Variants in PHKG1 observed in about 807,000 individuals in gnomAD.
The protein encoded by PHKG1 is phosphorylase b kinase gamma catalytic chain, skeletal muscle/heart isoform.
A neutral mutation model predicts 50.5 loss-of-function variants in PHKG1; 48 were observed. The ratio of observed to expected loss-of-function variants is 0.95; its 90% confidence interval spans 0.75 to 1.21. The LOEUF (loss-of-function observed/expected upper bound fraction) is 1.21. Ranked by LOEUF, PHKG1 falls within the 50% of genes most tolerant of loss-of-function variation. The pLI is 0.00. For synonymous variants in PHKG1, 204 were observed against 212.8 expected (o/e 0.96, Z 0.36); for missense variants, 487 against 519.5 (o/e 0.94, Z 0.61).
chr7:56,082,118 C>T (rs1208871923), intron 7 of PHKG1, 45 bp downstream of exon 7: 16 of 1,611,768 alleles, frequency 9.9e-6, no homozygotes, highest in Non-Finnish European at 1.4e-5. Flanking sequence ...TACTTCCTCC[C>T]TTGCCCAGCC....
At chr7:56,087,216 TTATTA>T (rs2117583344) in intron 3 of PHKG1, among the ~76,000 whole-genome samples, 192 bp from the exon 4 acceptor site, 1 of 147,584 alleles carries the variant, frequency 6.8e-6, no homozygotes, top group Non-Finnish European at 1.5e-5. Context: ...ATTATTATTA[TTATTA>T]TTATTATTAT....
chr7:56,084,341 A>G (rs1263477863), intron 4 of PHKG1: 4 of 644,518 alleles, frequency 6.2e-6, no homozygotes, highest in Non-Finnish European at 8.0e-6. Flanking sequence ...AGGACCCCAG[A>G]CCCAGATCAG....
At chr7:56,086,342 C>G (rs1252765521) in intron 4 of PHKG1, among the ~76,000 whole-genome samples, 1 of 152,016 alleles carries the variant, frequency 6.6e-6, no homozygotes, top group Non-Finnish European at 1.5e-5. Flanking sequence ...TAGGCACAGT[C>G]AGAGACTAAC....
At chr7:56,085,589 C>T (rs937731435) in intron 4 of PHKG1, among the ~76,000 whole-genome samples, 2 of 152,168 alleles carry the variant, frequency 1.3e-5, no homozygotes, top group Non-Finnish European at 2.9e-5. Context: ...TACCACCTGC[C>T]TCTCTCCTCA....
At chr7:56,083,141 T>G in intron 6 of PHKG1, 137 bp downstream of exon 6, 1 of 651,958 alleles carries the variant, frequency 1.5e-6, no homozygotes, top group Non-Finnish European at 2.5e-6. Flanking sequence ...GAAAAAAAAA[T>G]CCCTAGCCCT....
intron 2 of PHKG1, among the ~76,000 whole-genome samples, 161 bp from the exon 3 acceptor site, chr7:56,087,937 A>G (rs1796332120): frequency 6.6e-6 from 1 of 150,464 alleles, no homozygotes; most frequent in Non-Finnish European, 1.5e-5. Flanking sequence ...ATACAGGCAC[A>G]GACAGGTGAT....
At position 56,081,647 on chromosome 7, in the gene PHKG1, G is replaced by T; in HGVS notation, c.901C>A (p.Pro301Thr). The change falls in exon 9 of 10, where the codon CCC becomes ACC. Residue 301 changes from proline to threonine, a missense_variant. Coordinates refer to ENST00000297373, the MANE Select transcript of PHKG1 (RefSeq NM_006213.5). The surrounding 1 kb of genome is among the most constrained non-coding windows in gnomAD (Gnocchi z 4.6). Reference protein sequence around the residue: ...YLVEEVRHFSPRGKFKVIALT... With the variant: ...YLVEEVRHFSTRGKFKVIALT... ...CTTAGTACCTTGAACTTCCCCCGGG[G>T]GCTGAAGTGCCGCACTTCCTCCACC... The T allele has an allele frequency of 1.2e-6, 2 of 1,613,740 alleles. No homozygotes were observed. The highest frequency in any genetic ancestry group is 8.5e-7 in the Non-Finnish European group (1 of 1,179,990).
chr7:56,080,826 T>G lies in PHKG1; in HGVS notation c.*228A>C, dbSNP rs12535872. 113,421 of 579,610 alleles carry G rather than the reference T, an allele frequency of 0.2. 12,199 individuals are homozygous for G. Among genetic ancestry groups the G allele is most frequent in the Middle Eastern group, 0.26 (556 of 2,128 alleles). The allele number at this position is 579,610 out of a possible 1,614,324, so 35.9% of individuals were successfully genotyped here. The stretch of plus-strand genomic sequence containing the variant: ...TGGTTCTCAGGCCACGTGTGATCTC[T>G]GCCCACCCAGGGCCTGCCCCAGCCT... On this transcript the variant is annotated 3_prime_UTR_variant, in exon 10 of 10. Transcript: ENST00000297373.
chr7:56,091,697 C>G (rs1796498663), intron 1 of PHKG1, among the ~76,000 whole-genome samples: 1 of 152,202 alleles, frequency 6.6e-6, no homozygotes. Flanking sequence ...CACAAAGGAG[C>G]CAATTTGCTG....
At chr7:56,086,200 C>T (rs1352851569) in intron 4 of PHKG1, among the ~76,000 whole-genome samples, 1 of 151,836 alleles carries the variant, frequency 6.6e-6, no homozygotes, top group African/African-American at 2.4e-5. Flanking sequence ...TATATGTCTA[C>T]AGTCATCCCT....
chr7:56,083,829 C>T (rs1796137012), intron 4 of PHKG1, 114 bp from the exon 5 acceptor site: 2 of 748,826 alleles, frequency 2.7e-6, no homozygotes, highest in South Asian at 1.5e-5. Flanking sequence ...GTGGGCCACT[C>T]TCCGTGGAGA....
chr7:56,086,574 C>T (rs899928114), intron 4 of PHKG1, among the ~76,000 whole-genome samples: 2 of 152,124 alleles, frequency 1.3e-5, no homozygotes, highest in East Asian at 1.9e-4. Context: ...CTTCAACCTC[C>T]GCCTCCTGGG....
At chr7:56,083,862 CG>C (rs1286163300) in intron 4 of PHKG1, 147 bp from the exon 5 acceptor site, 12 of 660,500 alleles carry the variant, frequency 1.8e-5, no homozygotes, top group Non-Finnish European at 2.4e-5. Context: ...GGAGAGGAGC[CG>C]GGGAAGTGAG....
chr7:56,081,352 GC>G lies in PHKG1; in HGVS notation c.919-54del. The G allele has an allele frequency of 6.4e-7, 1 of 1,556,008 alleles. No homozygotes were observed. The highest frequency in any genetic ancestry group is 8.6e-7 in the Non-Finnish European group (1 of 1,157,696). On this transcript the variant is annotated intron_variant, in intron 9 of 9. Transcript: ENST00000297373. This position sits in a 1 kb window ranked among gnomAD's most constrained non-coding sequence, Gnocchi z 4.6. The stretch of plus-strand genomic sequence containing the variant: ...TGCAGCCCCCGCCCTGCCAGGCCCT[GC>G]CCCTCCAGCACAGGGACGCTCTGGG...
Position 56,082,149 on chromosome 7 carries a change from C to A in PHKG1, c.638+14G>T, listed in dbSNP as rs1796033883. The A allele has an allele frequency of 6.2e-7, 1 of 1,613,184 alleles. No individual in the cohort carries two copies. The highest frequency in any genetic ancestry group is 1.7e-5 in the Admixed American group (1 of 59,988). The stretch of plus-strand genomic sequence containing the variant: ...CAGCCTAGCTGGGTGCTCCTCCTTT[C>A]CCGGCGCACTCACATGTCCACCTCT... On this transcript the variant is annotated intron_variant, in intron 7 of 9. Transcript: ENST00000297373.
intron 4 of PHKG1, among the ~76,000 whole-genome samples, chr7:56,085,820 A>G (rs1796227526): frequency 6.6e-6 from 1 of 151,934 alleles, no homozygotes; most frequent in Non-Finnish European, 1.5e-5. Flanking sequence ...TACACACATA[A>G]AAAATTTGCT....
At chr7:56,089,312 A>C (rs1036448104) in intron 1 of PHKG1, among the ~76,000 whole-genome samples, 5 of 150,908 alleles carry the variant, frequency 3.3e-5, no homozygotes, top group Non-Finnish European at 5.9e-5. Context: ...AGGCAGGAGA[A>C]TCGCTTGAAC....
At chr7:56,090,078 C>G (rs1003381498) in intron 1 of PHKG1, among the ~76,000 whole-genome samples, 11 of 152,156 alleles carry the variant, frequency 7.2e-5, no homozygotes, top group Admixed American at 5.2e-4. Flanking sequence ...CTCCATCCCA[C>G]TGCTCCTTCC....
chr7:56,087,057 G>A (rs759634474), intron 3 of PHKG1, 33 bp from the exon 4 acceptor site: 1 of 1,589,390 alleles, frequency 6.3e-7, no homozygotes. Context: ...GTCTCAAGTA[G>A]CAGGGGAGCC....
Sources: allele counts gnomAD v4.1 joint callset (sites outside exome capture counted in the v4.1 genomes callset), GRCh38; gene constraint gnomAD v4.1.1; non-coding constraint Gnocchi (gnomAD v3.1); transcripts MANE v1.5; gene names NCBI Gene and HGNC (gene_info 2026-07-23, HGNC 2026-07-21).